Variants in PRKCB observed in about 807,000 individuals in gnomAD.
The protein encoded by PRKCB is protein kinase C beta, also known as protein kinase C beta type.
In PRKCB, 13 loss-of-function variants were observed where a neutral mutation model predicts 81.5. That is an observed-to-expected ratio of 0.16 (90% CI 0.10 to 0.25). The LOEUF (loss-of-function observed/expected upper bound fraction) is 0.25, where lower values mean the gene tolerates loss of function less well. Ranked by LOEUF, PRKCB falls within the 10% of genes least tolerant of loss-of-function variation. The probability of loss-of-function intolerance (pLI) is 1.00; values close to 1 mark genes in which losing one functional copy is unlikely to be tolerated. For synonymous variants in PRKCB, 335 were observed against 321.4 expected (o/e 1.04, Z -0.45); for missense variants, 509 against 875.7 (o/e 0.58, Z 5.29).
chr16:24,193,196 A>G (rs1343095436), intron 16 of PRKCB, among the ~76,000 whole-genome samples: 1 of 151,874 alleles, frequency 6.6e-6, no homozygotes, highest in African/African-American at 2.4e-5. Flanking sequence ...TAATCTCAGC[A>G]CTTTGGGAAG....
intron 5 of PRKCB, among the ~76,000 whole-genome samples, chr16:24,056,409 G>A (rs894103742): frequency 6.6e-6 from 1 of 152,242 alleles, no homozygotes. Flanking sequence ...TTCTTGAATA[G>A]GGGCAACAAT....
chr16:23,927,305 T>C (rs1299714153), intron 2 of PRKCB, among the ~76,000 whole-genome samples: 3 of 151,892 alleles, frequency 2.0e-5, no homozygotes, highest in East Asian at 3.9e-4. Flanking sequence ...CACAAGAGGA[T>C]TGAAGAACCA....
intron 2 of PRKCB, among the ~76,000 whole-genome samples, chr16:23,900,748 T>TTTTTTTTTTTTTTTTTTG (rs1963458971): frequency 7.6e-6 from 1 of 131,628 alleles, no homozygotes; most frequent in African/African-American, 3.0e-5. Context: ...TTTTTTTTTT[T>TTTTTTTTTTTTTTTTTTG]TTGTGGCTGT....
intron 8 of PRKCB, among the ~76,000 whole-genome samples, chr16:24,115,073 A>AAG (rs1966721241): frequency 1.3e-5 from 2 of 151,490 alleles, no homozygotes; most frequent in African/African-American, 4.9e-5. Context: ...ATATAGCAGC[A>AAG]ATGTGAGACT....
chr16:24,033,748 T>A (rs1965578575), intron 4 of PRKCB, among the ~76,000 whole-genome samples: 1 of 150,312 alleles, frequency 6.7e-6, no homozygotes, highest in South Asian at 2.1e-4. Context: ...GGTGACAGAG[T>A]GAGACTCTCA....
intron 2 of PRKCB, among the ~76,000 whole-genome samples, chr16:23,985,454 A>C (rs1964791961): frequency 6.6e-6 from 1 of 152,222 alleles, no homozygotes; most frequent in African/African-American, 2.4e-5. Context: ...AGACATGTCA[A>C]ATTTACAATA....
chr16:24,127,600 T>C (rs577122322), intron 9 of PRKCB, among the ~76,000 whole-genome samples: 1 of 151,744 alleles, frequency 6.6e-6, no homozygotes, highest in Non-Finnish European at 1.5e-5. Flanking sequence ...GATTGGAAGT[T>C]CTGGAGAGTC....
intron 3 of PRKCB, among the ~76,000 whole-genome samples, chr16:24,017,894 T>G (rs978631785): frequency 7.6e-6 from 1 of 132,144 alleles, no homozygotes; most frequent in Admixed American, 7.6e-5. Context: ...CATAACTAAT[T>G]TTTTTTTTTT....
At chr16:23,946,579 C>T (rs999694221) in intron 2 of PRKCB, among the ~76,000 whole-genome samples, 13 of 151,588 alleles carry the variant, frequency 8.6e-5, no homozygotes, top group East Asian at 7.7e-4. Flanking sequence ...AAGAACCTAA[C>T]GTAGTGTCAG....
At chr16:24,026,656 A>G (rs565201922) in intron 3 of PRKCB, among the ~76,000 whole-genome samples, 1 of 152,344 alleles carries the variant, frequency 6.6e-6, no homozygotes, top group East Asian at 1.9e-4. Context: ...AATATATCAG[A>G]GAAACCAGAA....
chr16:24,142,572 T>C (rs1227052727), intron 9 of PRKCB, among the ~76,000 whole-genome samples: 1 of 152,198 alleles, frequency 6.6e-6, no homozygotes, highest in Non-Finnish European at 1.5e-5. Flanking sequence ...GTTTAGAAGG[T>C]TCCGATTTAA....
intron 2 of PRKCB, among the ~76,000 whole-genome samples, chr16:23,965,428 T>C (rs994196347): frequency 6.6e-6 from 1 of 152,242 alleles, no homozygotes; most frequent in Non-Finnish European, 1.5e-5. Context: ...TTGTCTTTGC[T>C]ATTGCATCAC....
chr16:23,966,722 A>G (rs1964491819), intron 2 of PRKCB, among the ~76,000 whole-genome samples: 1 of 152,166 alleles, frequency 6.6e-6, no homozygotes, highest in Non-Finnish European at 1.5e-5. Flanking sequence ...TGTGAACTAG[A>G]GAATGCAAGG....
chr16:23,995,590 C>T lies in PRKCB; in HGVS notation c.288+7000C>T, dbSNP rs566204136. On this transcript the variant is annotated intron_variant, in intron 3 of 16. Coordinates refer to ENST00000643927, the MANE Select transcript of PRKCB (RefSeq NM_002738.7). ...CTAAATTGCCGTATGACCCGAATTG[C>T]TCTTCATTAACTGGGTCTTATCTAA... Among the ~76,000 whole-genome samples the T allele has an allele frequency of 3.3e-5, 5 of 152,290 alleles. No homozygotes were observed. In the South Asian group the frequency reaches 1.0e-3, roughly 32 times the overall value.
intron 5 of PRKCB, among the ~76,000 whole-genome samples, chr16:24,049,221 C>A (rs560438330): frequency 6.6e-6 from 1 of 151,914 alleles, no homozygotes; most frequent in Non-Finnish European, 1.5e-5. Context: ...AATCTGGCAA[C>A]CCTGTCCCAC....
In PRKCB at chr16:24,044,699, C is replaced by G. The variant is rs149461388; in HGVS notation, c.529+9152C>G. 2.6e-3 allele frequency among the ~76,000 whole-genome samples: 399 copies of G among 152,344 alleles called. 1 individual carries two copies. Among genetic ancestry groups the G allele is most frequent in the African/African-American group, 8.8e-3 (367 of 41,572 alleles). On this transcript the variant is annotated intron_variant, in intron 5 of 16. Transcript: ENST00000643927. ...CATTTATATATTATCTATGGCTGCT[C>G]TTGTGATACAATGGCAGAGTTCACT...
chr16:23,995,384 T>G (rs112943840), intron 3 of PRKCB, among the ~76,000 whole-genome samples: 70 of 152,342 alleles, frequency 4.6e-4, no homozygotes, highest in Middle Eastern at 3.4e-3. Context: ...GGTTGGTTAG[T>G]GGCAGAGAGG....
rs368683886 is a variant in PRKCB at position 24,193,016 on chromosome 16, G to A, written c.1863+1786G>A. On this transcript the variant is annotated intron_variant, in intron 16 of 16. Transcript: ENST00000643927. ...CTTCTGTTACCCAGGTTGGAGTGCA[G>A]TAGCGCGATCATAGCTTACTGCAAC... Among the ~76,000 whole-genome samples, 24 of 152,154 alleles carry A rather than the reference G, an allele frequency of 1.6e-4. No homozygotes were observed. In the East Asian group the frequency reaches 4.5e-3, roughly 28 times the overall value.
intron 2 of PRKCB, among the ~76,000 whole-genome samples, chr16:23,905,278 C>T (rs1161478785): frequency 1.3e-5 from 2 of 152,028 alleles, no homozygotes; most frequent in African/African-American, 4.8e-5. Context: ...TCATTCGTGT[C>T]GTTAAATAAA....
Sources: allele counts gnomAD v4.1 joint callset (sites outside exome capture counted in the v4.1 genomes callset), GRCh38; gene constraint gnomAD v4.1.1; transcripts MANE v1.5; gene names NCBI Gene and HGNC (gene_info 2026-07-23, HGNC 2026-07-21).